Variants in AASS observed in about 807,000 individuals in gnomAD.
AASS encodes aminoadipate-semialdehyde synthase, also known as alpha-aminoadipic semialdehyde synthase, mitochondrial.
A neutral mutation model predicts 105.4 loss-of-function variants in AASS; 86 were observed. The observed-to-expected ratio is 0.82, with a 90% CI of 0.69 to 0.98. The LOEUF (loss-of-function observed/expected upper bound fraction) is 0.98, where lower values mean the gene tolerates loss of function less well. Among genes scored for constraint, AASS ranks in the 50% least tolerant of loss-of-function variants. The pLI is 0.00. For synonymous variants in AASS, 381 were observed against 394.8 expected, an observed-to-expected ratio of 0.96 and a Z score of 0.41; for missense variants, 1,048 against 1,143.2, an observed-to-expected ratio of 0.92 and a Z score of 1.20.
chr7:122,083,575 C>G (rs1793479843), intron 19 of AASS, among the ~76,000 whole-genome samples: 1 of 151,874 alleles, frequency 6.6e-6, no homozygotes, highest in Admixed American at 6.6e-5. Flanking sequence ...GCAAATAATG[C>G]CTAGTCCATG....
intron 2 of AASS, among the ~76,000 whole-genome samples, chr7:122,131,057 A>T (rs1795893867): frequency 6.6e-6 from 1 of 151,686 alleles, no homozygotes; most frequent in Admixed American, 6.6e-5. Context: ...AGAAAAAACA[A>T]TGATAGATCA....
chr7:122,105,785 G>A (rs1179823454), intron 11 of AASS, among the ~76,000 whole-genome samples: 1 of 151,890 alleles, frequency 6.6e-6, no homozygotes, highest in Non-Finnish European at 1.5e-5. Context: ...AAAGAACAAA[G>A]ATCTCAGATA....
At chr7:122,109,811 T>C (rs62472932) in intron 11 of AASS, among the ~76,000 whole-genome samples, 3,847 of 151,690 alleles carry the variant, frequency 0.025, 93 homozygotes, top group Middle Eastern at 0.092. Flanking sequence ...CAAATGGAAT[T>C]ACATCAAACT....
rs1208598082 is a variant in AASS, at chr7:122,078,052, A to G, written c.2486-38T>C. ...AAAGATAAGTAAAAATACCACTATC[A>G]TTACAACTCAAATATTGTCTGTCAT... On this transcript the variant is annotated intron_variant, in intron 22 of 23. Coordinates refer to ENST00000417368, the MANE Select transcript of AASS (RefSeq NM_005763.4). 3.2e-6 allele frequency: 5 copies of G among 1,584,158 alleles called. No homozygotes were observed. In the South Asian group the frequency reaches 5.5e-5, roughly 18 times the overall value.
At chr7:122,141,681 A>C (rs1309837976) in intron 1 of AASS, among the ~76,000 whole-genome samples, 4 of 132,146 alleles carry the variant, frequency 3.0e-5, no homozygotes, top group African/African-American at 9.0e-5. Context: ...AAAAAAAAAA[A>C]AAAACTTGAT....
At chr7:122,128,397 C>T (rs941497476) in intron 3 of AASS, among the ~76,000 whole-genome samples, 1 of 152,170 alleles carries the variant, frequency 6.6e-6, no homozygotes, top group Non-Finnish European at 1.5e-5. Flanking sequence ...TGGCTCGGTC[C>T]TTCACCTCCT....
intron 11 of AASS, among the ~76,000 whole-genome samples, chr7:122,104,604 A>G (rs542579571): frequency 3.9e-5 from 6 of 152,090 alleles, no homozygotes; most frequent in Non-Finnish European, 7.4e-5. Context: ...ATAAACAAAC[A>G]ATGAAACTAC....
At chr7:122,083,590 G>A (rs1225007744) in intron 19 of AASS, among the ~76,000 whole-genome samples, 1 of 151,942 alleles carries the variant, frequency 6.6e-6, no homozygotes, top group East Asian at 1.9e-4. Flanking sequence ...TCCATGGTAA[G>A]CAAAAATGCA....
At chr7:122,101,179 T>C (rs1196303854) in intron 13 of AASS, among the ~76,000 whole-genome samples, 192 bp downstream of exon 13, 1 of 151,874 alleles carries the variant, frequency 6.6e-6, no homozygotes, top group East Asian at 1.9e-4. Flanking sequence ...GCTATACTAC[T>C]GTTAAGTGGG....
intron 21 of AASS, 54 bp downstream of exon 21, chr7:122,079,543 T>C: frequency 7.3e-7 from 1 of 1,372,318 alleles, no homozygotes. Context: ...TGAGTAGAAA[T>C]TAGCAATCAT....
At chr7:122,134,873 C>T (rs1040565984) in intron 1 of AASS, among the ~76,000 whole-genome samples, 2 of 152,090 alleles carry the variant, frequency 1.3e-5, no homozygotes, top group African/African-American at 4.8e-5. Context: ...TGGAACCAAC[C>T]CAAATGTCCA....
intron 11 of AASS, among the ~76,000 whole-genome samples, chr7:122,107,810 T>G (rs1794734772): frequency 1.3e-5 from 2 of 151,932 alleles, no homozygotes; most frequent in Admixed American, 6.6e-5. Context: ...ACCCTGGTGA[T>G]GAAATAATCT....
chr7:122,101,760 TTAATCAA>T lies in AASS; in HGVS notation c.1279-87_1279-81del, dbSNP rs1449433568. 6.5e-4 allele frequency: 686 copies of T among 1,057,044 alleles called. 4 individuals carry two copies. Among genetic ancestry groups the T allele is most frequent in the South Asian group, 3.7e-3 (274 of 74,656 alleles). The allele number at this position is 1,057,044 out of a possible 1,614,324, so 65.5% of individuals were successfully genotyped here. On this transcript the variant is annotated intron_variant, in intron 11 of 23. Transcript: ENST00000417368. ...TGGTGTTTGTATCCATATTAAAATA[TTAATCAA>T]GGGAAAAAAATAATTTAAGAAACAG...
intron 2 of AASS, 118 bp downstream of exon 2, chr7:122,133,399 T>A: frequency 8.8e-7 from 1 of 1,135,900 alleles, no homozygotes; most frequent in East Asian, 2.5e-5. Flanking sequence ...ATAATACTTT[T>A]AATCAAAGTA....
chr7:122,098,843 A>G lies in AASS; in HGVS notation c.1430T>C (p.Met477Thr), dbSNP rs1794295503. ...AACCAAAACCTTTCTCCTGGTGCCC[A>G]TTGAAAGTGACTGAGCACGTTCCCT... ...ESRERAQSLS[M>T]GTRRKVLVLG... The change falls in exon 14 of 24, where the codon ATG (methionine) becomes ACG (threonine). Residue 477 changes from methionine to threonine, a missense_variant. Met to Thr is a moderately conservative substitution (Grantham distance 81). Transcript: ENST00000417368. The G allele has an allele frequency of 6.4e-7, 1 of 1,552,096 alleles. No homozygotes were observed. Among genetic ancestry groups the G allele is most frequent in the Non-Finnish European group, 8.8e-7 (1 of 1,140,142 alleles).
chr7:122,113,080 A>T, intron 11 of AASS, 38 bp downstream of exon 11: 7 of 1,501,140 alleles, frequency 4.7e-6, no homozygotes, highest in Non-Finnish European at 6.5e-6. Context: ...TTCAATTTAA[A>T]GCCACAGAGT....
At chr7:122,078,049 A>G (rs1793110697) in intron 22 of AASS, 35 bp from the exon 23 acceptor site, 1 of 1,588,924 alleles carries the variant, frequency 6.3e-7, no homozygotes, top group African/African-American at 1.3e-5. Flanking sequence ...AAATACCACT[A>G]TCATTACAAC....
chr7:122,142,556 AT>A (rs113362957), intron 1 of AASS, among the ~76,000 whole-genome samples: 1 of 152,222 alleles, frequency 6.6e-6, no homozygotes, highest in African/African-American at 2.4e-5. Flanking sequence ...ATTTAAGACA[AT>A]TTTTTTACAC....
At chr7:122,094,951 C>T (rs905703355) in intron 15 of AASS, among the ~76,000 whole-genome samples, 18 of 152,138 alleles carry the variant, frequency 1.2e-4, no homozygotes, top group African/African-American at 4.3e-4. Context: ...TAGTGGAAAG[C>T]CCACGACAGA....
Sources: allele counts gnomAD v4.1 joint callset (sites outside exome capture counted in the v4.1 genomes callset), GRCh38; gene constraint gnomAD v4.1.1; transcripts MANE v1.5; gene names NCBI Gene and HGNC (gene_info 2026-07-23, HGNC 2026-07-21).